RSKR: variants seen among roughly 807,000 people sequenced by gnomAD.
The protein encoded by RSKR is ribosomal protein S6 kinase related, also known as ribosomal protein S6 kinase-related protein.
Under a neutral mutation model 56.8 loss-of-function variants are expected in RSKR, and 44 were observed. That is an observed-to-expected ratio of 0.77 (90% CI 0.61 to 1.00). RSKR has a LOEUF of 1.00. Ranked by LOEUF, RSKR falls within the 50% of genes least tolerant of loss-of-function variation. The pLI is 0.00. For missense variants in RSKR, 510 were observed against 506.9 expected (o/e 1.01, Z -0.06); for synonymous variants, 181 against 188.0 (o/e 0.96, Z 0.30).
Position 28,611,666 on chromosome 17 carries a change from A to C in RSKR, c.722-10T>G, listed in dbSNP as rs2070816601. ...GTCAGTTTCAGATGGCCTATGAAAG[A>C]AGGTAAGGCAACTGCACCACTGTTC... On this transcript the variant is annotated splice_polypyrimidine_tract_variant and intron_variant, in intron 8 of 11. Coordinates refer to ENST00000301037, the MANE Select transcript of RSKR (RefSeq NM_001174103.2). 1.2e-6 allele frequency: 2 copies of C among 1,601,864 alleles called. No individual in the cohort carries two copies. Among genetic ancestry groups the C allele is most frequent in the Middle Eastern group, 1.7e-4 (1 of 6,004 alleles).
In RSKR at chr17:28,613,659, G is replaced by A. The variant is rs547639224; in HGVS notation, c.105C>T (p.Ala35=). 288 of 1,614,106 alleles carry A rather than the reference G, an allele frequency of 1.8e-4. 3 individuals are homozygous for A. The South Asian group carries it at 2.9e-3, about 16-fold the overall frequency. The change falls in exon 2 of 12, where the codon GCC becomes GCT. Residue 35 remains alanine, a synonymous_variant. Coordinates refer to ENST00000301037, the MANE Select transcript of RSKR (RefSeq NM_001174103.2). Reference sequence around the variant, plus strand: ...CTGTCCAGAGGCTCTTCCAGCCTCGGGCCCAGGGACCCCGGATGTTGCCAC... The same window carrying A: ...CTGTCCAGAGGCTCTTCCAGCCTCGAGCCCAGGGACCCCGGATGTTGCCAC... The part of the protein sequence containing the change: ...KQGGNIRGPW[A]RGWKSLWTGL...
rs1179357877 is a variant in RSKR, at chr17:28,611,228, T to C, written c.926A>G (p.His309Arg). ...GKFPVAAERDHVAMLASVTHS... is the reference protein window; with the variant it reads ...GKFPVAAERDRVAMLASVTHS... ...GGTCACACTTGCCAACATGGCCACATGATCTCTCTCTGCAGCCACTGGAAA... is the reference window on the plus strand; with the variant it reads ...GGTCACACTTGCCAACATGGCCACACGATCTCTCTCTGCAGCCACTGGAAA... The change falls in exon 11 of 12, where the codon CAT (histidine) becomes CGT (arginine). Residue 309 changes from histidine (H) to arginine (R), a missense_variant. By Grantham distance (29) the His-to-Arg change is conservative. Transcript: ENST00000301037. 1.3e-6 allele frequency: 2 copies of C among 1,536,100 alleles called. No homozygotes were observed. The highest frequency in any genetic ancestry group is 1.7e-6 in the Non-Finnish European group (2 of 1,146,854).
Position 28,610,022 on chromosome 17 carries a change from C to A in RSKR, c.*456G>T, listed in dbSNP as rs2070790265. 4.4e-5 allele frequency: 7 copies of A among 159,172 alleles called. No homozygotes were observed. The South Asian group carries it at 1.2e-3, about 27-fold the overall frequency. The allele number at this position is 159,172 out of a possible 1,614,324, so 9.9% of individuals were successfully genotyped here. A position where few individuals can be genotyped will look rare whatever the true frequency, so the allele number is the denominator to read the frequency against. ...GAGCTGAGAACGCACCACTGCACTC[C>A]AGCCTGGGCAACAGAGTGAGACTCT... On this transcript the variant is annotated 3_prime_UTR_variant, in exon 12 of 12. Coordinates refer to ENST00000301037, the MANE Select transcript of RSKR (RefSeq NM_001174103.2).
rs374562730 is a variant in RSKR at position 28,613,258 on chromosome 17, C to G, written c.408+4G>C. 1 of 1,614,026 alleles carries G rather than the reference C, an allele frequency of 6.2e-7. No homozygotes were observed. The highest frequency in any genetic ancestry group is 1.3e-5 in the African/African-American group (1 of 74,924). ...AGAGACTAATGTGGTATCTACGCCC[C>G]TACCTTCACTGCAAATACAGCTTTC... On this transcript the variant is annotated splice_donor_region_variant and intron_variant, in intron 3 of 11. Transcript: ENST00000301037.
In RSKR at chr17:28,613,442, T is replaced by C. The variant is rs746252701; in HGVS notation, c.322A>G (p.Lys108Glu). The C allele has an allele frequency of 1.9e-6, 3 of 1,614,088 alleles. No individual in the cohort carries two copies. The South Asian group carries it at 3.3e-5, about 18-fold the overall frequency. ...ACTCAGGGATTCCACTGACTTACCT[T>C]CAGCTGCTGCTGCCCCCTAATGGGC... ...IRPIRGQQQL[K>E]ILGLVAKGSF... is the part of the protein sequence containing the mutation. The change falls in exon 2 of 12, where the codon AAG (lysine) becomes GAG (glutamate). Residue 108 changes from lysine (K) to glutamate (E), a missense_variant and splice_region_variant. Transcript: ENST00000301037.
At position 28,610,264 on chromosome 17, in the gene RSKR, G is replaced by A. The variant is rs2070793320; in HGVS notation, c.*214C>T. ...CCACCCTGATCTGACATGTTGAATT[G>A]AGAGGTAGGTTGTATGATAGGGAAG... On this transcript the variant is annotated 3_prime_UTR_variant, in exon 12 of 12. Coordinates refer to ENST00000301037, the MANE Select transcript of RSKR (RefSeq NM_001174103.2). 1 of 561,992 alleles carries A rather than the reference G, an allele frequency of 1.8e-6. No individual in the cohort carries two copies. Among genetic ancestry groups the A allele is most frequent in the Admixed American group, 3.0e-5 (1 of 32,976 alleles). 34.8% of individuals were successfully genotyped at this position (561,992 alleles called of 1,614,324 possible).
At chr17:28,611,054 A>G in intron 11 of RSKR, 89 bp downstream of exon 11, 1 of 1,215,612 alleles carries the variant, frequency 8.2e-7, no homozygotes, top group Non-Finnish European at 1.2e-6. Context: ...AAAAAAACTG[A>G]TGAGAGGAAT....
chr17:28,611,876 A>G (rs188508295), intron 7 of RSKR, 81 bp from the exon 8 acceptor site: 1 of 1,612,762 alleles, frequency 6.2e-7, no homozygotes, highest in Non-Finnish European at 8.5e-7. Context: ...GCTGAAGGTG[A>G]TGCCCTACTC....
chr17:28,610,536 G>A lies in RSKR; in HGVS notation c.1175C>T (p.Pro392Leu), dbSNP rs753503551. 1 of 1,536,042 alleles carries A rather than the reference G, an allele frequency of 6.5e-7. No individual in the cohort carries two copies. Among genetic ancestry groups the A allele is most frequent in the South Asian group, 1.2e-5 (1 of 84,050 alleles). ...ATQPSSAETM[P>L]FDDFDCDLES... ...CAGATCACAGTCAAAGTCGTCAAAG[G>A]GCATGGTCTCCGCTGAACTGGGCTG... Residue 392 changes from proline (P) to leucine (L), a missense_variant, in exon 12 of 12, where the codon CCC (proline) becomes CTC (leucine). By Grantham distance (98) the Pro-to-Leu change is moderately conservative (BLOSUM62 -3). Transcript: ENST00000301037.
Position 28,610,505 on chromosome 17 carries a change from G to T in RSKR, c.1206C>A (p.Ser402=), listed in dbSNP as rs2070796855. 1.3e-6 allele frequency: 2 copies of T among 1,535,948 alleles called. No individual in the cohort carries two copies. Among genetic ancestry groups the T allele is most frequent in the South Asian group, 2.4e-5 (2 of 84,062 alleles). Residue 402 remains serine (S), a synonymous_variant, in exon 12 of 12, where the codon TCC becomes TCA. Coordinates refer to ENST00000301037, the MANE Select transcript of RSKR (RefSeq NM_001174103.2). ...PFDDFDCDLE[S]FLLYPIPA ...AAGCAGGGATAGGGTAGAGCAAGAA[G>T]GACTCCAGATCACAGTCAAAGTCGT...
Position 28,611,622 on chromosome 17 carries a change from G to T in RSKR, c.756C>A (p.Arg252=). 1 of 1,575,582 alleles carries T rather than the reference G, an allele frequency of 6.3e-7. No homozygotes were observed. Among genetic ancestry groups the T allele is most frequent in the Non-Finnish European group, 8.6e-7 (1 of 1,162,136 alleles). Residue 252 remains arginine (R), a synonymous_variant, in exon 9 of 12, where the codon CGC becomes CGA. Transcript: ENST00000301037. ...AGGCTTGAGCTCCCTGGGGCACGTG[G>T]CGGGACAGACCAAAGTCTGTCAGTT... ...HLKLTDFGLS[R]HVPQGAQAYT... is the part of the protein sequence containing the mutation.
rs143987420 is a variant in RSKR at position 28,614,107 on chromosome 17, G to A, written c.55C>T (p.Arg19Trp). Residue 19 changes from arginine to tryptophan, a missense_variant, in exon 1 of 12, where the codon CGG (arginine) becomes TGG (tryptophan). Arg to Trp is a moderately radical substitution (Grantham distance 101). Coordinates refer to ENST00000301037, the MANE Select transcript of RSKR (RefSeq NM_001174103.2). ...GQHTQQGEHT[R>W]VAVPHKQGGN... is the part of the protein sequence containing the mutation. ...CCTACCTTGTGAGGGACAGCCACCC[G>A]GGTGTGTTCCCCCTGCTGGGTGTGC... 2.9e-5 allele frequency: 47 copies of A among 1,613,390 alleles called. No individual in the cohort carries two copies. In the Admixed American group the frequency reaches 3.7e-4, roughly 13 times the overall value.
chr17:28,612,911 GAAA>G, intron 4 of RSKR, 164 bp downstream of exon 4: 1 of 804,720 alleles, frequency 1.2e-6, no homozygotes, highest in South Asian at 1.6e-5. Context: ...TAGGACATGG[GAAA>G]ACTGTGTTGA....
intron 11 of RSKR, 78 bp downstream of exon 11, chr17:28,611,065 G>T: frequency 7.6e-7 from 1 of 1,309,296 alleles, no homozygotes; most frequent in South Asian, 1.3e-5. Flanking sequence ...TGAGAGGAAT[G>T]GGGAAAAATC....
rs890068022 is a variant in RSKR, at chr17:28,609,738, C to CAAAA, written c.*736_*739dup. ...GGGTGACGAGAGTGAGACCCTATCT[C>CAAAA]AAAAAAAAAAAAAAAAAAAAAAAAA... On this transcript the variant is annotated 3_prime_UTR_variant, in exon 12 of 12. Coordinates refer to ENST00000301037, the MANE Select transcript of RSKR (RefSeq NM_001174103.2). The CAAAA allele has an allele frequency of 7.5e-4, 15 of 20,012 alleles. No individual in the cohort carries two copies. Among genetic ancestry groups the CAAAA allele is most frequent in the Non-Finnish European group, 2.8e-4 (3 of 10,638 alleles). The allele number at this position is 20,012 out of a possible 1,614,324, so 1.2% of individuals were successfully genotyped here. A position where few individuals can be genotyped will look rare whatever the true frequency, so the allele number is the denominator to read the frequency against.
rs143918266 is a variant in RSKR at position 28,612,639 on chromosome 17, C to T, written c.526G>A (p.Gly176Arg). 8.1e-6 allele frequency: 13 copies of T among 1,613,986 alleles called. No individual in the cohort carries two copies. The highest frequency in any genetic ancestry group is 1.1e-5 in the Non-Finnish European group (13 of 1,180,018). Residue 176 changes from glycine to arginine, a missense_variant, in exon 5 of 12, where the codon GGA becomes AGA. Gly to Arg is a moderately radical substitution (Grantham distance 125, BLOSUM62 -2). Transcript: ENST00000301037. The part of the protein sequence containing the change: ...FVHSLGDSWQ[G>R]KRHLFIMCSY... ...TCACTAATGAAAAGGTGCCGTTTTC[C>T]CTGCCAGCTGTCCCCCAAGCTGTGT...
Position 28,607,978 on chromosome 17 carries a change from CTTAT to C in RSKR, c.*2496_*2499del, listed in dbSNP as rs1040071456. 2.0e-5 allele frequency: 3 copies of C among 151,930 alleles called. No individual in the cohort carries two copies. The highest frequency in any genetic ancestry group is 4.4e-5 in the Non-Finnish European group (3 of 68,010). 9.4% of individuals were successfully genotyped at this position (151,930 alleles called of 1,614,324 possible). A position where few individuals can be genotyped will look rare whatever the true frequency, so the allele number is the denominator to read the frequency against. On this transcript the variant is annotated 3_prime_UTR_variant, in exon 12 of 12. Transcript: ENST00000301037. ...GATAAAAGGATAAAGGATACATTGC[CTTAT>C]TTATTTATATCCCAACCTTATTACA...
At chr17:28,612,465 A>G in intron 5 of RSKR, 99 bp from the exon 6 acceptor site, 1 of 1,394,104 alleles carries the variant, frequency 7.2e-7, no homozygotes, top group South Asian at 1.2e-5. Flanking sequence ...CTCCTGCCCA[A>G]ACTGATACCA....
At chr17:28,611,877 T>G in intron 7 of RSKR, 82 bp from the exon 8 acceptor site, 14 of 1,612,554 alleles carry the variant, frequency 8.7e-6, no homozygotes, top group Non-Finnish European at 1.2e-5. Flanking sequence ...CTGAAGGTGA[T>G]GCCCTACTCA....
Sources: allele counts gnomAD v4.1 joint callset, GRCh38; gene constraint gnomAD v4.1.1; transcripts MANE v1.5; gene names NCBI Gene and HGNC (gene_info 2026-07-23, HGNC 2026-07-21).